ADAM20: variants seen among roughly 807,000 people sequenced by gnomAD.
ADAM20 encodes the protein disintegrin and metalloproteinase domain-containing protein 20.
For missense variants in ADAM20, 871 were observed against 883.2 expected (o/e 0.99, Z 0.18); for synonymous variants, 305 against 310.2 (o/e 0.98, Z 0.18).
At chr14:70,545,417 G>A in the ADAM20 span, among the ~76,000 whole-genome samples, 1 of 152,144 alleles carries the variant, frequency 6.6e-6, no homozygotes, top group Admixed American at 6.6e-5. Context: ...GAACTGGGCT[G>A]TGCTCACCTG....
the ADAM20 span, among the ~76,000 whole-genome samples, chr14:70,555,320 TA>T: frequency 1.3e-4 from 20 of 152,346 alleles, no homozygotes; most frequent in Non-Finnish European, 2.1e-4. Flanking sequence ...GTAGATATAT[TA>T]ATTAGCTTGA....
chr14:70,555,155 G>A, the ADAM20 span, among the ~76,000 whole-genome samples: 2 of 152,092 alleles, frequency 1.3e-5, no homozygotes, highest in Admixed American at 1.3e-4. Flanking sequence ...TTTCAGTAAC[G>A]AAAGTGAATA....
chr14:70,570,259 A>G, the ADAM20 span, among the ~76,000 whole-genome samples: 1 of 152,166 alleles, frequency 6.6e-6, no homozygotes, highest in African/African-American at 2.4e-5. Flanking sequence ...ATCCAAAGGT[A>G]TCAGAAAAAA....
At chr14:70,542,341 G>A in the ADAM20 span, among the ~76,000 whole-genome samples, 2 of 152,170 alleles carry the variant, frequency 1.3e-5, no homozygotes, top group Non-Finnish European at 2.9e-5. Context: ...TTTTTACCAA[G>A]GCTTTGAATG....
the ADAM20 span, among the ~76,000 whole-genome samples, chr14:70,563,920 G>A: frequency 2.0e-5 from 3 of 152,192 alleles, no homozygotes; most frequent in African/African-American, 7.2e-5. Context: ...AATGAAAGAA[G>A]GGCCTAATAC....
chr14:70,555,607 T>G, the ADAM20 span, among the ~76,000 whole-genome samples: 1 of 152,166 alleles, frequency 6.6e-6, no homozygotes, highest in Non-Finnish European at 1.5e-5. Flanking sequence ...TGGAAACAAC[T>G]TATTGAAAAT....
chr14:70,540,481 T>A, the ADAM20 span, among the ~76,000 whole-genome samples: 2 of 152,228 alleles, frequency 1.3e-5, no homozygotes, highest in Admixed American at 6.5e-5. Flanking sequence ...TGCCACCATA[T>A]ATTTTTATTT....
upstream of ADAM20, among the ~76,000 whole-genome samples, chr14:70,536,327 G>A (rs550611143): frequency 2.6e-5 from 4 of 151,554 alleles, no homozygotes; most frequent in African/African-American, 7.3e-5. Context: ...TTAGCCAGGC[G>A]TGGTGGTGGG....
chr14:70,559,552 A>G, the ADAM20 span, among the ~76,000 whole-genome samples: 1 of 152,214 alleles, frequency 6.6e-6, no homozygotes, highest in Non-Finnish European at 1.5e-5. Context: ...TCATATCATT[A>G]CTTTGCTCAG....
In ADAM20 at chr14:70,524,100, A is replaced by T. The variant is rs777338480; in HGVS notation, c.658T>A (p.Tyr220Asn). 2 of 1,613,966 alleles carry T rather than the reference A, an allele frequency of 1.2e-6. No homozygotes were observed. Among genetic ancestry groups the T allele is most frequent in the South Asian group, 2.2e-5 (2 of 91,080 alleles). ...ELVVVVDNIR[Y>N]LFSQSNATTV... ...GTTGCATTACTTTGAGAGAAAAGATATCTAATATTATCCACGACCACTACC... is the reference window on the plus strand; with the variant it reads ...GTTGCATTACTTTGAGAGAAAAGATTTCTAATATTATCCACGACCACTACC... Residue 220 changes from tyrosine (Y) to asparagine (N), a missense_variant, in exon 2 of 2, where the codon TAT becomes AAT. Tyr to Asn is a moderately radical substitution (Grantham distance 143, BLOSUM62 -2). Coordinates refer to ENST00000256389, the MANE Select transcript of ADAM20 (RefSeq NM_003814.5).
chr14:70,546,952 A>G, the ADAM20 span, among the ~76,000 whole-genome samples: 1 of 152,310 alleles, frequency 6.6e-6, no homozygotes, highest in Non-Finnish European at 1.5e-5. Context: ...ACAAACCTTC[A>G]GCAAGACTAA....
intron 1 of ADAM20, among the ~76,000 whole-genome samples, chr14:70,531,375 C>T (rs1332957117): frequency 6.6e-6 from 1 of 152,002 alleles, no homozygotes; most frequent in South Asian, 2.1e-4. Flanking sequence ...ATTATACAGG[C>T]ATGTATGGAA....
the ADAM20 span, among the ~76,000 whole-genome samples, chr14:70,558,420 T>C: frequency 6.6e-6 from 1 of 152,176 alleles, no homozygotes; most frequent in African/African-American, 2.4e-5. Flanking sequence ...ATCTGGATAA[T>C]GATGCTGGTG....
the ADAM20 span, among the ~76,000 whole-genome samples, chr14:70,544,283 T>C: frequency 1.3e-5 from 2 of 152,236 alleles, no homozygotes. Context: ...AATAAACCTG[T>C]CTTTGACTGT....
chr14:70,532,371 A>T (rs1440205989), intron 1 of ADAM20, among the ~76,000 whole-genome samples: 2 of 152,048 alleles, frequency 1.3e-5, no homozygotes, highest in Non-Finnish European at 2.9e-5. Context: ...ATAAAACTTT[A>T]AAAAAACACA....
At chr14:70,538,274 A>C (rs1883876827), upstream of ADAM20, among the ~76,000 whole-genome samples, 1 of 152,152 alleles carries the variant, frequency 6.6e-6, no homozygotes, top group Admixed American at 6.5e-5. Flanking sequence ...GCTCGCATTC[A>C]TATGCCTTTT....
upstream of ADAM20, among the ~76,000 whole-genome samples, chr14:70,536,229 G>C (rs1468603322): frequency 6.6e-6 from 1 of 152,038 alleles, no homozygotes; most frequent in East Asian, 1.9e-4. Flanking sequence ...ACTTTGAGAG[G>C]TTGAGGCAGG....
the ADAM20 span, among the ~76,000 whole-genome samples, chr14:70,572,419 T>C: frequency 6.6e-6 from 1 of 152,100 alleles, no homozygotes; most frequent in Non-Finnish European, 1.5e-5. Context: ...TAAACTGGAC[T>C]TCTACCTCTC....
In ADAM20 at chr14:70,523,810, T is replaced by C; in HGVS notation, c.948A>G (p.Ile316Met). ...MKLGVAYVKG[I>M]CQNPFNTGVD... ...CTCCAGTATTAAAAGGATTCTGGCATATTCCTTTAACATAGGCAACACCAA... is the reference window on the plus strand; with the variant it reads ...CTCCAGTATTAAAAGGATTCTGGCACATTCCTTTAACATAGGCAACACCAA... The change falls in exon 2 of 2, where the codon ATA becomes ATG. Residue 316 changes from isoleucine to methionine, a missense_variant. Transcript: ENST00000256389. 1.2e-6 allele frequency: 2 copies of C among 1,614,108 alleles called. No homozygotes were observed. The highest frequency in any genetic ancestry group is 2.2e-5 in the East Asian group (1 of 44,886).
Sources: gnomAD v4.1 joint callset for allele counts (sites outside exome capture counted in the v4.1 genomes callset) on GRCh38, gnomAD v4.1.1 for gene constraint, MANE v1.5 for transcripts, NCBI Gene and HGNC (gene_info 2026-07-23, HGNC 2026-07-21) for gene names.